Variants in PCDHGB6 observed in about 807,000 individuals in gnomAD.
The protein encoded by PCDHGB6 is protocadherin gamma-B6.
In PCDHGB6, 51 loss-of-function variants were observed where a neutral mutation model predicts 59.1. That is an observed-to-expected ratio of 0.86 (90% confidence interval 0.69 to 1.09). The LOEUF (loss-of-function observed/expected upper bound fraction) is 1.09. PCDHGB6 is among the 50% of genes least tolerant of loss of function. The pLI, the probability that PCDHGB6 is intolerant of heterozygous loss-of-function variation, is 0.00. For synonymous variants in PCDHGB6, 466 were observed against 495.1 expected (o/e 0.94, Z 0.78); for missense variants, 1,148 against 1,205.1 (o/e 0.95, Z 0.70).
In PCDHGB6 at chr5:141,512,009, CAAGTT is replaced by C. The variant is rs1409890580; in HGVS notation, c.*838_*842del. On this transcript the variant is annotated 3_prime_UTR_variant, in exon 4 of 4. Transcript: ENST00000520790. ...GGGGCATGGACAAAGCTTGACACATCAAGTTATCAAGGCCTTGGAGGAGGCTCTGT... is the reference window on the plus strand; with the variant it reads ...GGGGCATGGACAAAGCTTGACACATCATCAAGGCCTTGGAGGAGGCTCTGT... 1 of 153,074 alleles carries C rather than the reference CAAGTT, an allele frequency of 6.5e-6. No individual in the cohort carries two copies. The highest frequency in any genetic ancestry group is 1.9e-4 in the East Asian group (1 of 5,182). 9.5% of individuals were successfully genotyped at this position (153,074 alleles called of 1,614,324 possible).
chr5:141,423,895 G>T, intron 1 of PCDHGB6: 1 of 1,277,758 alleles, frequency 7.8e-7, no homozygotes, highest in Non-Finnish European at 9.9e-7. Flanking sequence ...ATTTTCTTTT[G>T]ATTTCAAAGG....
intron 3 of PCDHGB6, among the ~76,000 whole-genome samples, chr5:141,510,204 C>T (rs1403130911): frequency 1.3e-5 from 2 of 150,304 alleles, no homozygotes; most frequent in Admixed American, 1.3e-4. Flanking sequence ...GCCCAGGAGG[C>T]AGAGGTTGCA....
rs1342408505 is a variant in PCDHGB6 at position 141,409,977 on chromosome 5, T to C, written c.1775T>C (p.Val592Ala). The C allele has an allele frequency of 1.2e-6, 2 of 1,613,300 alleles. No individual in the cohort carries two copies. Among genetic ancestry groups the C allele is most frequent in the African/African-American group, 2.7e-5 (2 of 75,026 alleles). ...CCCGGCTACCTAGTGACTAAGGTGGTAGCGGTGGACGCCGACTCGGGACAC... is the reference window on the plus strand; with the variant it reads ...CCCGGCTACCTAGTGACTAAGGTGGCAGCGGTGGACGCCGACTCGGGACAC... The part of the protein sequence containing the change: ...AEPGYLVTKV[V>A]AVDADSGHNA... The change falls in exon 1 of 4, where the codon GTA (valine) becomes GCA (alanine). Residue 592 changes from valine to alanine, a missense_variant. Around this residue, in one of 5 missense-constraint regions of PCDHGB6, gnomAD observed 549 missense variants for 527.5 expected, o/e 1.04. Transcript: ENST00000520790.
intron 1 of PCDHGB6, among the ~76,000 whole-genome samples, chr5:141,438,596 A>G (rs1303292978): frequency 2.8e-5 from 1 of 35,176 alleles, no homozygotes; most frequent in Non-Finnish European, 6.2e-5. Context: ...ACATACATAT[A>G]TATATATATA....
At position 141,430,919 on chromosome 5, in the gene PCDHGB6, C is replaced by A. The variant is rs377613499; in HGVS notation, c.2418+20299C>A. The A allele has an allele frequency of 6.2e-7, 1 of 1,607,492 alleles. No homozygotes were observed. Among genetic ancestry groups the A allele is most frequent in the Admixed American group, 1.7e-5 (1 of 58,806 alleles). The stretch of plus-strand genomic sequence containing the variant: ...GGGCGACATCTCCAGGGACCTGGGG[C>A]TGGAGCCCCGGGAGCTCGCGGAGCG... On this transcript the variant is annotated intron_variant, in intron 1 of 3. Transcript: ENST00000520790.
Position 141,491,713 on chromosome 5 carries a change from G to A in PCDHGB6, c.2419-3094G>A. On this transcript the variant is annotated intron_variant, in intron 1 of 3. Transcript: ENST00000520790. This position sits in a 1 kb window ranked among gnomAD's most constrained non-coding sequence, Gnocchi z 6.9. ...GGAGCGGAGCCAGGTGAGGGGCTCG[G>A]CGCCGCCCCGGGCGACCCCTGGGGG... The A allele has an allele frequency of 1.9e-6, 3 of 1,609,174 alleles. No individual in the cohort carries two copies. Among genetic ancestry groups the A allele is most frequent in the Non-Finnish European group, 2.5e-6 (3 of 1,178,054 alleles).
At chr5:141,484,501 A>G (rs1185523120) in intron 1 of PCDHGB6, among the ~76,000 whole-genome samples, 2 of 152,232 alleles carry the variant, frequency 1.3e-5, no homozygotes, top group African/African-American at 4.8e-5. Flanking sequence ...GTTTCTGAAT[A>G]TTCTGCAGAA....
intron 1 of PCDHGB6, chr5:141,430,452 A>G (rs566189732): frequency 2.0e-3 from 408 of 202,442 alleles, no homozygotes; most frequent in South Asian, 3.8e-3. Context: ...CCTTTTGAAG[A>G]ACAGTAGGTG....
Position 141,421,822 on chromosome 5 carries a change from G to A in PCDHGB6, c.2418+11202G>A, listed in dbSNP as rs2096603648. On this transcript the variant is annotated intron_variant, in intron 1 of 3. Transcript: ENST00000520790. ...CAAGAATCCAGAGCTAGTACTGGAG[G>A]GAAGCCTGGACCGAGAGAAAGAGGC... 3.7e-6 allele frequency: 6 copies of A among 1,613,690 alleles called. No homozygotes were observed. The East Asian group carries it at 1.1e-4, about 30-fold the overall frequency.
At chr5:141,474,756 T>C (rs2099354156) in intron 1 of PCDHGB6, among the ~76,000 whole-genome samples, 1 of 152,244 alleles carries the variant, frequency 6.6e-6, no homozygotes, top group Non-Finnish European at 1.5e-5. Flanking sequence ...AAGACAAATA[T>C]ACAGAAATAG....
At chr5:141,412,932 T>C (rs2095590399) in intron 1 of PCDHGB6, 3 of 453,328 alleles carry the variant, frequency 6.6e-6, no homozygotes, top group South Asian at 1.0e-4. Flanking sequence ...AGTAACTTCT[T>C]AGGACTCTGA....
At chr5:141,447,197 T>C (rs1249080495) in intron 1 of PCDHGB6, among the ~76,000 whole-genome samples, 7 of 152,188 alleles carry the variant, frequency 4.6e-5, no homozygotes, top group Admixed American at 4.6e-4. Context: ...TGGAGTGCAA[T>C]GGCTTGATCT....
intron 1 of PCDHGB6, chr5:141,412,443 T>C (rs1479281650): frequency 6.6e-6 from 1 of 152,204 alleles, no homozygotes; most frequent in Non-Finnish European, 1.5e-5. Context: ...TAATTAAGGC[T>C]CAGTAAAACT....
Position 141,510,956 on chromosome 5 carries a change from A to T in PCDHGB6, c.2576A>T (p.Asp859Val). 1 of 1,614,104 alleles carries T rather than the reference A, an allele frequency of 6.2e-7. No homozygotes were observed. The highest frequency in any genetic ancestry group is 8.5e-7 in the Non-Finnish European group (1 of 1,179,996). The change falls in exon 4 of 4, where the codon GAT becomes GTT. Residue 859 changes from aspartate to valine, a missense_variant. Asp to Val is a radical substitution (Grantham distance 152). This residue lies in a region of PCDHGB6 where 283 missense variants were observed against 318.6 expected (regional missense o/e 0.89). Transcript: ENST00000520790. ...MILASASEAA[D>V]GSSTLGGGAG... ...TCCTCTGTCTCTGCAGAAGCTGCTG[A>T]TGGGAGCTCCACCCTGGGAGGGGGT...
intron 1 of PCDHGB6, chr5:141,426,860 A>T (rs771106873): frequency 2.6e-5 from 12 of 456,702 alleles, no homozygotes; most frequent in Admixed American, 2.3e-4. Flanking sequence ...CTCCAGAATT[A>T]GTGCTGGAGA....
chr5:141,454,546 A>G (rs1342532359), intron 1 of PCDHGB6, among the ~76,000 whole-genome samples: 1 of 152,098 alleles, frequency 6.6e-6, no homozygotes, highest in African/African-American at 2.4e-5. Flanking sequence ...AGCTGAGATT[A>G]CAGGCATGTG....
At chr5:141,428,001 T>G (rs149531447) in intron 1 of PCDHGB6, 10 of 1,601,704 alleles carry the variant, frequency 6.2e-6, no homozygotes, top group Non-Finnish European at 8.5e-6. Flanking sequence ...CTCCGCACTC[T>G]TCGATATAGT....
At chr5:141,446,968 G>A (rs1052445705) in intron 1 of PCDHGB6, among the ~76,000 whole-genome samples, 12 of 152,050 alleles carry the variant, frequency 7.9e-5, no homozygotes, top group African/African-American at 2.4e-4. Flanking sequence ...AGGGAAATTT[G>A]CTGTCTAATT....
intron 1 of PCDHGB6, chr5:141,422,726 T>C: frequency 5.6e-6 from 9 of 1,605,994 alleles, no homozygotes; most frequent in African/African-American, 4.0e-5. Flanking sequence ...GTCCAGGGGG[T>C]GCCTCTGTCC....
Sources: gnomAD v4.1 joint callset for allele counts (sites outside exome capture counted in the v4.1 genomes callset) on GRCh38, gnomAD v4.1.1 for gene constraint, gnomAD v4.1.1 regional missense constraint, Gnocchi (gnomAD v3.1) non-coding constraint, MANE v1.5 for transcripts, NCBI Gene and HGNC (gene_info 2026-07-23, HGNC 2026-07-21) for gene names.